UNC79: variants seen among roughly 807,000 people sequenced by gnomAD.
UNC79 encodes unc-79 subunit of NALCN channel complex, also known as protein unc-79 homolog.
In UNC79, 37 loss-of-function variants were observed where a neutral mutation model predicts 283.1. That is an observed-to-expected ratio of 0.13 (90% confidence interval 0.10 to 0.17). The LOEUF (loss-of-function observed/expected upper bound fraction) is 0.17. Ranked by LOEUF, UNC79 falls within the 10% of genes least tolerant of loss-of-function variation. The pLI is 1.00. For synonymous variants in UNC79, 1,107 were observed against 1,200.2 expected (o/e 0.92, Z 1.61); for missense variants, 2,272 against 3,211.1 (o/e 0.71, Z 7.07).
rs1490662899 is a variant in UNC79 at position 93,673,554 on chromosome 14, T to C, written c.6741+99T>C. ...GTGTATGCATAGAACTAAATATCTTTGCTTAGAGATGATAAATAATATATC... is the reference window on the plus strand; with the variant it reads ...GTGTATGCATAGAACTAAATATCTTCGCTTAGAGATGATAAATAATATATC... On this transcript the variant is annotated intron_variant, in intron 41 of 48. Transcript: ENST00000555664. The C allele has an allele frequency of 1.1e-5, 10 of 885,136 alleles. No individual in the cohort carries two copies. The Admixed American group carries it at 2.6e-4, about 23-fold the overall frequency. 54.8% of individuals were successfully genotyped at this position (885,136 alleles called of 1,614,324 possible). A position where few individuals can be genotyped will look rare whatever the true frequency, so the allele number is the denominator to read the frequency against.
At chr14:93,700,908 T>C (rs1232660225) in intron 47 of UNC79, among the ~76,000 whole-genome samples, 1 of 147,054 alleles carries the variant, frequency 6.8e-6, no homozygotes, top group African/African-American at 2.7e-5. Flanking sequence ...TTTCGGGTCG[T>C]TTTTTCTCCA....
intron 8 of UNC79, among the ~76,000 whole-genome samples, chr14:93,526,835 A>T (rs2060571052): frequency 2.0e-5 from 3 of 152,168 alleles, no homozygotes; most frequent in Non-Finnish European, 4.4e-5. Flanking sequence ...TACGTGAGAG[A>T]GGTATCAATG....
chr14:93,548,001 C>T (rs1357406383), intron 14 of UNC79, among the ~76,000 whole-genome samples: 1 of 151,656 alleles, frequency 6.6e-6, no homozygotes, highest in Non-Finnish European at 1.5e-5. Flanking sequence ...AAACAAACAA[C>T]AAAAAATCAA....
chr14:93,639,344 A>T (rs775050729), intron 32 of UNC79, among the ~76,000 whole-genome samples: 3 of 152,206 alleles, frequency 2.0e-5, no homozygotes, highest in Non-Finnish European at 4.4e-5. Flanking sequence ...TATTGAATTT[A>T]AATTTTCTGT....
intron 1 of UNC79, among the ~76,000 whole-genome samples, chr14:93,454,387 T>A (rs909109987): frequency 2.6e-5 from 4 of 152,170 alleles, no homozygotes; most frequent in Non-Finnish European, 5.9e-5. Flanking sequence ...TACTAATTCA[T>A]GTATGAAAGC....
intron 1 of UNC79, among the ~76,000 whole-genome samples, chr14:93,399,822 G>T (rs1489102337): frequency 1.3e-5 from 2 of 152,168 alleles, no homozygotes; most frequent in African/African-American, 2.4e-5. Context: ...CCTATGTGCA[G>T]ATTTCCTGCA....
chr14:93,366,063 GC>G (rs2054324893), intron 1 of UNC79, among the ~76,000 whole-genome samples: 1 of 152,088 alleles, frequency 6.6e-6, no homozygotes, highest in African/African-American at 2.4e-5. Context: ...ATCTTTGCAG[GC>G]AATGAAACAA....
intron 14 of UNC79, among the ~76,000 whole-genome samples, chr14:93,563,222 C>T (rs2062670857): frequency 6.6e-6 from 1 of 152,142 alleles, no homozygotes; most frequent in African/African-American, 2.4e-5. Flanking sequence ...GAAAAACTGC[C>T]ATGAGGGACA....
intron 30 of UNC79, 61 bp downstream of exon 32, chr14:93,622,902 AGGGTACC>A: frequency 6.4e-7 from 1 of 1,567,464 alleles, no homozygotes; most frequent in South Asian, 1.2e-5. Context: ...CTTGTTTGAT[AGGGTACC>A]GGCACTGAAT....
intron 30 of UNC79, among the ~76,000 whole-genome samples, chr14:93,628,787 T>C (rs1189862082): frequency 6.6e-6 from 1 of 152,224 alleles, no homozygotes; most frequent in Non-Finnish European, 1.5e-5. Flanking sequence ...TTTCATAAAA[T>C]GATGGAGGGC....
intron 1 of UNC79, among the ~76,000 whole-genome samples, chr14:93,360,995 C>G (rs1268061753): frequency 2.0e-5 from 3 of 152,026 alleles, no homozygotes; most frequent in Non-Finnish European, 4.4e-5. Context: ...AGGTGGATCA[C>G]TTGAGGTCAG....
chr14:93,392,684 C>A (rs991311287), intron 1 of UNC79, among the ~76,000 whole-genome samples: 6 of 152,186 alleles, frequency 3.9e-5, no homozygotes, highest in Non-Finnish European at 5.9e-5. Flanking sequence ...CATATCCCTT[C>A]AGTTCCTTAA....
At chr14:93,399,268 A>G (rs1028705389) in intron 1 of UNC79, among the ~76,000 whole-genome samples, 3 of 152,174 alleles carry the variant, frequency 2.0e-5, no homozygotes, top group African/African-American at 4.8e-5. Context: ...ATTTGAGATG[A>G]GATTTGGGTG....
At chr14:93,665,608 CA>C (rs1179664319) in intron 40 of UNC79, among the ~76,000 whole-genome samples, 1 of 151,326 alleles carries the variant, frequency 6.6e-6, no homozygotes, top group Non-Finnish European at 1.5e-5. Context: ...TATAACTTGT[CA>C]AAACAGTCAA....
chr14:93,498,601 C>CA (rs2059139306), intron 7 of UNC79, among the ~76,000 whole-genome samples: 3 of 151,538 alleles, frequency 2.0e-5, no homozygotes, highest in South Asian at 4.2e-4. Context: ...AAAAAACAAA[C>CA]AAAAAAATGA....
exon 26 of UNC79, chr14:93,603,363 G>A: frequency 6.2e-7 from 1 of 1,614,186 alleles, no homozygotes; most frequent in Non-Finnish European, 8.5e-7. Context: ...GCGTGAAAGG[G>A]CCTGTGGAAT....
intron 40 of UNC79, among the ~76,000 whole-genome samples, chr14:93,668,759 G>C (rs2072491018): frequency 6.6e-6 from 1 of 150,886 alleles, no homozygotes; most frequent in African/African-American, 2.4e-5. Context: ...TGGGAGAATT[G>C]CTTAGCCCCA....
exon 30 of UNC79, chr14:93,622,764 C>A: frequency 6.2e-7 from 1 of 1,614,158 alleles, no homozygotes; most frequent in Non-Finnish European, 8.5e-7. Context: ...AGGAAGATTG[C>A]TGTCAGTGCT....
intron 1 of UNC79, among the ~76,000 whole-genome samples, chr14:93,355,199 T>G (rs2054060843): frequency 6.6e-6 from 1 of 152,076 alleles, no homozygotes; most frequent in Non-Finnish European, 1.5e-5. Flanking sequence ...CCGGCTAGTT[T>G]TTTTTTCCCC....
Sources: allele counts gnomAD v4.1 joint callset (sites outside exome capture counted in the v4.1 genomes callset), GRCh38; gene constraint gnomAD v4.1.1; transcripts MANE v1.5; gene names NCBI Gene and HGNC (gene_info 2026-07-23, HGNC 2026-07-21).